Variants in DNAH7 observed in about 807,000 individuals in gnomAD.
DNAH7 encodes axonemal beta dynein heavy chain 7.
In DNAH7, 397 loss-of-function variants were observed where a neutral mutation model predicts 444.6. That is an observed-to-expected ratio of 0.89 (90% CI 0.82 to 0.97). The LOEUF (loss-of-function observed/expected upper bound fraction) is 0.97, where lower values mean the gene tolerates loss of function less well. DNAH7 is among the 50% of genes least tolerant of loss of function. DNAH7 has a pLI of 0.00. For missense variants in DNAH7, 4,902 were observed against 4,800.8 expected, an observed-to-expected ratio of 1.02 and a Z score of -0.62; for synonymous variants, 1,636 against 1,624.4, an observed-to-expected ratio of 1.01 and a Z score of -0.17.
chr2:195,945,616 T>C (rs1441763414), intron 19 of DNAH7, among the ~76,000 whole-genome samples: 1 of 152,194 alleles, frequency 6.6e-6, no homozygotes, highest in Non-Finnish European at 1.5e-5. Context: ...AGATGATCTT[T>C]TCTGCTTTTC....
chr2:195,900,777 T>G (rs1485110735), intron 27 of DNAH7: 4 of 232,236 alleles, frequency 1.7e-5, no homozygotes, highest in Non-Finnish European at 3.4e-5. Flanking sequence ...ATTCTATATT[T>G]TTAAATAGCT....
Position 195,884,788 on chromosome 2 carries a change from T to A in DNAH7, c.5560A>T (p.Ile1854Phe), listed in dbSNP as rs62623593. The A allele has an allele frequency of 6.2e-7, 1 of 1,612,738 alleles. No individual in the cohort carries two copies. Among genetic ancestry groups the A allele is most frequent in the East Asian group, 2.2e-5 (1 of 44,856 alleles). The part of the protein sequence containing the change: ...LLEGIFLFSL[I>F]WSVGASCTDD... ...GTACAAGAAGCACCAACGGACCAGA[T>A]CAATGAAAACAGAAAAATGCCCTGC... is the stretch of plus-strand genomic sequence containing the variant. The change falls in exon 35 of 65, where the codon ATC becomes TTC. Residue 1854 changes from isoleucine (I) to phenylalanine (F), a missense_variant. Transcript: ENST00000312428.
chr2:195,903,601 T>G (rs1019393316), intron 27 of DNAH7: 36 of 152,194 alleles, frequency 2.4e-4, no homozygotes, highest in African/African-American at 8.2e-4. Flanking sequence ...TGCTTTATTA[T>G]GCAGATTTTG....
chr2:195,760,171 G>A (rs547393680), intron 61 of DNAH7, among the ~76,000 whole-genome samples: 27 of 152,068 alleles, frequency 1.8e-4, no homozygotes, highest in Middle Eastern at 3.4e-3. Context: ...AGGCTCCTCT[G>A]CCTGTGGAAA....
At chr2:195,989,950 TC>T (rs1382639563) in intron 12 of DNAH7, among the ~76,000 whole-genome samples, 2 of 152,166 alleles carry the variant, frequency 1.3e-5, no homozygotes, top group Admixed American at 1.3e-4. Context: ...AAATAAATTA[TC>T]CAGTCTCAGG....
intron 34 of DNAH7, among the ~76,000 whole-genome samples, chr2:195,885,897 T>C (rs547182066): frequency 8.4e-4 from 128 of 152,342 alleles, no homozygotes; most frequent in Non-Finnish European, 1.5e-3. Context: ...GAGATTTCAG[T>C]AGCAGATCTG....
chr2:195,873,549 AC>A lies in DNAH7; in HGVS notation c.6413+18del, dbSNP rs1700843479. On this transcript the variant is annotated intron_variant, in intron 39 of 64. Transcript: ENST00000312428. ...TTTATACCTCCTAATTAAAAAAAAA[AC>A]AAATTTTGATTACTTACCAGATTTC... The A allele has an allele frequency of 7.8e-7, 1 of 1,290,102 alleles. No homozygotes were observed. Among genetic ancestry groups the A allele is most frequent in the Non-Finnish European group, 1.0e-6 (1 of 977,602 alleles). The allele number at this position is 1,290,102 out of a possible 1,614,324, so 79.9% of individuals were successfully genotyped here. A position where few individuals can be genotyped will look rare whatever the true frequency, so the allele number is the denominator to read the frequency against.
chr2:195,964,117 G>A (rs1691299498), intron 17 of DNAH7, among the ~76,000 whole-genome samples: 1 of 152,044 alleles, frequency 6.6e-6, no homozygotes, highest in Admixed American at 6.5e-5. Flanking sequence ...CATAAAAATT[G>A]TAGAACTGTG....
At position 196,026,859 on chromosome 2, in the gene DNAH7, C is replaced by T. The variant is rs755001137; in HGVS notation, c.568G>A (p.Asp190Asn). 1.1e-5 allele frequency: 17 copies of T among 1,612,210 alleles called. No individual in the cohort carries two copies. The African/African-American group carries it at 2.1e-4, about 20-fold the overall frequency. ...ACTTTCAGATGTTGTGGAACTAAATCCAGTACGTGTTCTAGCCAAGAATCT... is the reference window on the plus strand; with the variant it reads ...ACTTTCAGATGTTGTGGAACTAAATTCAGTACGTGTTCTAGCCAAGAATCT... ...MEDSWLEHVL[D>N]LVPQHLKVFT... The change falls in exon 7 of 65, where the codon GAT becomes AAT. Residue 190 changes from aspartate to asparagine, a missense_variant. Physicochemically the swap from Asp to Asn is conservative, Grantham distance 23 (BLOSUM62 1). Coordinates refer to ENST00000312428, the MANE Select transcript of DNAH7 (RefSeq NM_018897.3).
intron 30 of DNAH7, 65 bp downstream of exon 30, chr2:195,894,911 A>C: frequency 7.3e-7 from 1 of 1,363,384 alleles, no homozygotes; most frequent in Non-Finnish European, 9.7e-7. Context: ...CTTTTAAAAT[A>C]ATGGTACATT....
intron 9 of DNAH7, among the ~76,000 whole-genome samples, chr2:196,015,365 T>C (rs537234221): frequency 3.2e-4 from 48 of 152,290 alleles, no homozygotes; most frequent in African/African-American, 1.2e-3. Flanking sequence ...TGTTCTTATC[T>C]AGTAATTTTT....
At chr2:195,998,162 G>GAACA (rs1346212186) in intron 12 of DNAH7, among the ~76,000 whole-genome samples, 1 of 152,140 alleles carries the variant, frequency 6.6e-6, no homozygotes, top group Non-Finnish European at 1.5e-5. Context: ...TTCCTGAGAA[G>GAACA]TTTCAATTAA....
chr2:195,987,607 C>T, intron 13 of DNAH7, among the ~76,000 whole-genome samples: 1 of 151,970 alleles, frequency 6.6e-6, no homozygotes. Flanking sequence ...CTAAACAGAA[C>T]CATATTTTGG....
rs770213142 is a variant in DNAH7, at chr2:196,001,680, G to T, written c.1168C>A (p.Pro390Thr). The T allele has an allele frequency of 2.6e-6, 4 of 1,557,528 alleles. No individual in the cohort carries two copies. Among genetic ancestry groups the T allele is most frequent in the South Asian group, 2.5e-5 (2 of 80,370 alleles). ...GTGAACTGAACCATACTTACTGGGG[G>T]TTGTGCAATTAAGTCCGTGAAATCT... Reference protein sequence around the residue: ...MQDFTDLIAQPPDSVRAFEHP... With the variant: ...MQDFTDLIAQTPDSVRAFEHP... The change falls in exon 11 of 65, where the codon CCC (proline) becomes ACC (threonine). Residue 390 changes from proline (P) to threonine (T), a missense_variant. Physicochemically the swap from Pro to Thr is conservative, Grantham distance 38. Transcript: ENST00000312428.
At chr2:195,777,084 T>G (rs1373117033) in intron 59 of DNAH7, among the ~76,000 whole-genome samples, 1 of 152,200 alleles carries the variant, frequency 6.6e-6, no homozygotes, top group Non-Finnish European at 1.5e-5. Flanking sequence ...TAGTGGAAGA[T>G]GAGGTTAGGG....
At chr2:195,886,942 A>G (rs536777424) in intron 33 of DNAH7, among the ~76,000 whole-genome samples, 5 of 152,290 alleles carry the variant, frequency 3.3e-5, no homozygotes, top group Non-Finnish European at 5.9e-5. Context: ...AGACTCCCTG[A>G]AGATTAGAGG....
chr2:195,740,817 G>C lies in DNAH7; in HGVS notation c.11817C>G (p.Ile3939Met), dbSNP rs1692986534. The C allele has an allele frequency of 1.3e-6, 2 of 1,568,374 alleles. No individual in the cohort carries two copies. The highest frequency in any genetic ancestry group is 4.7e-5 in the East Asian group (2 of 42,848). Residue 3939 changes from isoleucine (I) to methionine (M), a missense_variant, in exon 64 of 65, where the codon ATC becomes ATG. Transcript: ENST00000312428. ...TGGGATGCGATTCTGCAAGTTTCTT[G>C]ATCTTTCTATTCCAGGAAGCTCCAT... ...FLDGASWNRK[I>M]KKLAESHPKI...
intron 28 of DNAH7, among the ~76,000 whole-genome samples, 183 bp downstream of exon 28, chr2:195,900,099 T>A (rs866038410): frequency 2.0e-5 from 3 of 152,208 alleles, no homozygotes; most frequent in African/African-American, 7.2e-5. Flanking sequence ...ATTACACGTG[T>A]AAGGTTTTAC....
intron 22 of DNAH7, among the ~76,000 whole-genome samples, chr2:195,924,149 G>A (rs1688191386): frequency 6.6e-6 from 1 of 152,120 alleles, no homozygotes; most frequent in Non-Finnish European, 1.5e-5. Context: ...GCCAATCACA[G>A]TTCTTCCTGG....
Sources: gnomAD v4.1 joint callset for allele counts (sites outside exome capture counted in the v4.1 genomes callset) on GRCh38, gnomAD v4.1.1 for gene constraint, MANE v1.5 for transcripts, NCBI Gene and HGNC (gene_info 2026-07-23, HGNC 2026-07-21) for gene names.